Variants in HDLBP observed in about 807,000 individuals in gnomAD.
HDLBP encodes the protein high density lipoprotein binding protein, also known as vigilin.
HDLBP carries 30 observed loss-of-function variants against 137.3 expected under a neutral mutation model. The ratio of observed to expected loss-of-function variants is 0.22; its 90% CI spans 0.16 to 0.30. The LOEUF is 0.30. Among genes scored for constraint, HDLBP ranks in the 10% least tolerant of loss-of-function variants. The probability of loss-of-function intolerance (pLI) is 1.00; values close to 1 mark genes in which losing one functional copy is unlikely to be tolerated. For missense variants in HDLBP, 1,119 were observed against 1,667.3 expected (o/e 0.67, Z 5.73); for synonymous variants, 606 against 596.0 (o/e 1.02, Z -0.24).
intron 1 of HDLBP, among the ~76,000 whole-genome samples, chr2:241,296,859 C>T (rs2075199557): frequency 6.6e-6 from 1 of 152,226 alleles, no homozygotes; most frequent in Non-Finnish European, 1.5e-5. Context: ...CCAGAAGTGC[C>T]TGCAAAAGAA....
chr2:241,264,351 GACT>G, intron 4 of HDLBP, 94 bp downstream of exon 4: 1 of 828,162 alleles, frequency 1.2e-6, no homozygotes, highest in East Asian at 2.8e-5. Flanking sequence ...GACAGAGCGG[GACT>G]CTGTCTCAAA....
chr2:241,240,010 A>C lies in HDLBP; in HGVS notation c.2282T>G (p.Val761Gly). The C allele has an allele frequency of 6.2e-7, 1 of 1,614,196 alleles. No individual in the cohort carries two copies. The highest frequency in any genetic ancestry group is 8.5e-7 in the Non-Finnish European group (1 of 1,180,042). ...CTTGTCCTCAGCCGCAGGGAAGATG[A>C]CACGTGCTCCAGTGCTGTCGCGCAC... is the stretch of plus-strand genomic sequence containing the variant. ...RKVRDSTGAR[V>G]IFPAAEDKDQ... The change falls in exon 18 of 28, where the codon GTC (valine) becomes GGC (glycine). Residue 761 changes from valine to glycine, a missense_variant. Around this residue, in one of 4 missense-constraint regions of HDLBP, gnomAD observed 618 missense variants for 816.7 expected, o/e 0.76. Coordinates refer to ENST00000310931, the MANE Select transcript of HDLBP (RefSeq NM_005336.6). This position sits in a 1 kb window ranked among gnomAD's most constrained non-coding sequence, Gnocchi z 5.5.
At chr2:241,283,710 G>T (rs892304841) in intron 1 of HDLBP, among the ~76,000 whole-genome samples, 1 of 151,980 alleles carries the variant, frequency 6.6e-6, no homozygotes, top group Non-Finnish European at 1.5e-5. Flanking sequence ...TCCTGACCTC[G>T]TGATCCGCCC....
chr2:241,239,800 G>T lies in HDLBP; in HGVS notation c.2412C>A (p.Ser804=). The T allele has an allele frequency of 6.2e-7, 1 of 1,613,878 alleles. No individual in the cohort carries two copies. The highest frequency in any genetic ancestry group is 2.2e-5 in the East Asian group (1 of 44,878). ...IQNLDNVVED[S]MLVDPKHHRH... is the part of the protein sequence containing the mutation. ...GGTGGTGCTTGGGGTCCACCAGCAT[G>T]GAGTCTTCCACCACATTATCCTGCA... Residue 804 remains serine, a synonymous_variant, in exon 19 of 28, where the codon TCC becomes TCA. Coordinates refer to ENST00000310931, the MANE Select transcript of HDLBP (RefSeq NM_005336.6). The surrounding 1 kb of genome is among the most constrained non-coding windows in gnomAD (Gnocchi z 4.6).
In HDLBP at chr2:241,239,360, T is replaced by C. The variant is rs1237435081; in HGVS notation, c.2610+242A>G. Among the ~76,000 whole-genome samples the C allele has an allele frequency of 6.6e-6, 1 of 152,114 alleles. No individual in the cohort carries two copies. The highest frequency in any genetic ancestry group is 2.4e-5 in the African/African-American group (1 of 41,432). The stretch of plus-strand genomic sequence containing the variant: ...TCCTCTCTCTCTCTCCCCTCTCCTC[T>C]TCTCCTTCTCTCTCTCTTTTTTTTT... On this transcript the variant is annotated intron_variant, in intron 19 of 27. Transcript: ENST00000310931. This position sits in a 1 kb window ranked among gnomAD's most constrained non-coding sequence, Gnocchi z 4.6.
At chr2:241,275,910 A>G (rs1284549466) in intron 1 of HDLBP, among the ~76,000 whole-genome samples, 2 of 152,226 alleles carry the variant, frequency 1.3e-5, no homozygotes, top group African/African-American at 4.8e-5. Flanking sequence ...CTACTAAAGG[A>G]CATATTTCAG....
chr2:241,275,586 C>T (rs749057168), intron 1 of HDLBP, among the ~76,000 whole-genome samples: 4 of 152,066 alleles, frequency 2.6e-5, no homozygotes, highest in Non-Finnish European at 5.9e-5. Flanking sequence ...CCAAAAAAGA[C>T]AGAGAAGGTG....
At position 241,256,603 on chromosome 2, in the gene HDLBP, C is replaced by T. The variant is rs2072635842; in HGVS notation, c.654G>A (p.Glu218=). Residue 218 remains glutamate (E), a synonymous_variant, in exon 6 of 28, where the codon GAG becomes GAA. Coordinates refer to ENST00000310931, the MANE Select transcript of HDLBP (RefSeq NM_005336.6). ...GAGGCACTCACACAGGCCTCACCTG[C>T]TCGGCAGAGATGAGTAAGACTTCAT... ...ARHEVLLISA[E]QDKRAVERLE... The T allele has an allele frequency of 1.2e-6, 2 of 1,613,724 alleles. No homozygotes were observed. Among genetic ancestry groups the T allele is most frequent in the Non-Finnish European group, 1.7e-6 (2 of 1,179,990 alleles).
chr2:241,284,601 T>C (rs1420991019), intron 1 of HDLBP, among the ~76,000 whole-genome samples: 2 of 152,220 alleles, frequency 1.3e-5, no homozygotes, highest in Non-Finnish European at 2.9e-5. Context: ...AATGGCAGTG[T>C]TTGAGAGGAT....
chr2:241,305,888 G>C (rs969463690), intron 1 of HDLBP, among the ~76,000 whole-genome samples: 1 of 151,118 alleles, frequency 6.6e-6, no homozygotes, highest in Non-Finnish European at 1.5e-5. Flanking sequence ...AGCCTCCCGA[G>C]TAGCTGGGAC....
intron 12 of HDLBP, chr2:241,249,388 G>A (rs1444713577): frequency 1.5e-5 from 7 of 472,892 alleles, no homozygotes; most frequent in South Asian, 1.1e-4. Context: ...CTTGGCATAA[G>A]CATGTATGAA....
At chr2:241,245,292 T>C (rs1397074810) in intron 16 of HDLBP, among the ~76,000 whole-genome samples, 1 of 151,728 alleles carries the variant, frequency 6.6e-6, no homozygotes, top group Admixed American at 6.6e-5. Flanking sequence ...CAAGCCATCC[T>C]CTCACCTCAA....
At chr2:241,305,790 C>T (rs1172442643) in intron 1 of HDLBP, among the ~76,000 whole-genome samples, 3 of 147,590 alleles carry the variant, frequency 2.0e-5, no homozygotes, top group African/African-American at 5.0e-5. Flanking sequence ...GATGGAGTCT[C>T]GCTCTGTCGC....
In HDLBP at chr2:241,240,453, G is replaced by A. The variant is rs1327048221; in HGVS notation, c.2170-331C>T. 1.3e-5 allele frequency among the ~76,000 whole-genome samples: 2 copies of A among 151,622 alleles called. No homozygotes were observed. The highest frequency in any genetic ancestry group is 2.4e-5 in the African/African-American group (1 of 41,432). On this transcript the variant is annotated intron_variant, in intron 17 of 27. Coordinates refer to ENST00000310931, the MANE Select transcript of HDLBP (RefSeq NM_005336.6). This position sits in a 1 kb window ranked among gnomAD's most constrained non-coding sequence, Gnocchi z 5.5. Reference sequence around the variant, plus strand: ...GCACAGGGGGAGGTGGGAGCAACGCGCCGGACGATATGTTGGCGGAGTGCA... The same window carrying A: ...GCACAGGGGGAGGTGGGAGCAACGCACCGGACGATATGTTGGCGGAGTGCA...
At chr2:241,301,363 A>T (rs2075391145) in intron 1 of HDLBP, among the ~76,000 whole-genome samples, 1 of 152,182 alleles carries the variant, frequency 6.6e-6, no homozygotes, top group African/African-American at 2.4e-5. Flanking sequence ...AAAAGTAAAT[A>T]TAATTAAATC....
chr2:241,278,440 G>A (rs943000442), intron 1 of HDLBP, among the ~76,000 whole-genome samples: 5 of 152,082 alleles, frequency 3.3e-5, no homozygotes, highest in African/African-American at 4.8e-5. Flanking sequence ...AACATTAGCC[G>A]GGCATGGTGG....
chr2:241,300,501 A>G (rs981195789), intron 1 of HDLBP, among the ~76,000 whole-genome samples: 2 of 152,224 alleles, frequency 1.3e-5, no homozygotes, highest in African/African-American at 4.8e-5. Flanking sequence ...GACTGGGGGC[A>G]GGTAGAGAAG....
chr2:241,274,302 T>C (rs2074310205), intron 1 of HDLBP, among the ~76,000 whole-genome samples: 1 of 152,314 alleles, frequency 6.6e-6, no homozygotes, highest in Admixed American at 6.5e-5. Flanking sequence ...CACCTGCGGC[T>C]TGACGCAGAG....
chr2:241,303,140 C>T (rs77879878), intron 1 of HDLBP, among the ~76,000 whole-genome samples: 140 of 152,308 alleles, frequency 9.2e-4, no homozygotes, highest in African/African-American at 3.3e-3. Context: ...TTTCCCCACT[C>T]CAGAAAGAAA....
Sources: gnomAD v4.1 joint callset for allele counts (sites outside exome capture counted in the v4.1 genomes callset) on GRCh38, gnomAD v4.1.1 for gene constraint, gnomAD v4.1.1 regional missense constraint, Gnocchi (gnomAD v3.1) non-coding constraint, MANE v1.5 for transcripts, NCBI Gene and HGNC (gene_info 2026-07-23, HGNC 2026-07-21) for gene names.